The following ADAM7 variants were observed in gnomAD, a reference collection of about 807,000 sequenced individuals.
ADAM7 encodes the protein ADAM metallopeptidase domain 7, also known as disintegrin and metalloproteinase domain-containing protein 7.
In ADAM7, 97 loss-of-function variants were observed where a neutral mutation model predicts 102.9. That is an observed-to-expected ratio of 0.94 (90% CI 0.80 to 1.12). ADAM7 has a LOEUF of 1.12. Ranked by LOEUF, ADAM7 falls within the 50% of genes most tolerant of loss-of-function variation. The probability of loss-of-function intolerance (pLI) is 0.00; values close to 1 mark genes in which losing one functional copy is unlikely to be tolerated. For missense variants in ADAM7, 991 were observed against 908.7 expected, an observed-to-expected ratio of 1.09 and a Z score of -1.16; for synonymous variants, 334 against 304.4, an observed-to-expected ratio of 1.10 and a Z score of -1.01.
intron 3 of ADAM7, among the ~76,000 whole-genome samples, chr8:24,450,688 T>C (rs1440279001): frequency 6.6e-6 from 1 of 151,860 alleles, no homozygotes; most frequent in African/African-American, 2.4e-5. Context: ...AACACTATGT[T>C]GAATAGGAGT....
chr8:24,498,312 A>G (rs920375667), intron 16 of ADAM7, among the ~76,000 whole-genome samples: 70 of 151,850 alleles, frequency 4.6e-4, no homozygotes, highest in African/African-American at 1.3e-3. Flanking sequence ...AAAGAAGTAA[A>G]AACATGATAA....
In ADAM7 at chr8:24,490,928, T is replaced by G; in HGVS notation, c.1356+40T>G. ...CAGGAGAAGGTTTTTTTTTTTCAGT[T>G]TAAGAATATGTAGGATCCAAGAGTT... is the stretch of plus-strand genomic sequence containing the variant. On this transcript the variant is annotated intron_variant, in intron 13 of 21. Coordinates refer to ENST00000175238, the MANE Select transcript of ADAM7 (RefSeq NM_003817.4). The G allele has an allele frequency of 1.3e-6, 2 of 1,596,338 alleles. 1 individual carries two copies. Among genetic ancestry groups the G allele is most frequent in the South Asian group, 2.2e-5 (2 of 89,252 alleles).
chr8:24,454,472 A>C (rs1247694911), intron 3 of ADAM7, among the ~76,000 whole-genome samples: 3 of 152,058 alleles, frequency 2.0e-5, no homozygotes, highest in African/African-American at 7.2e-5. Flanking sequence ...GCGGGATATA[A>C]TCTCCTGGTG....
intron 3 of ADAM7, among the ~76,000 whole-genome samples, chr8:24,455,364 C>A (rs1474186227): frequency 6.6e-6 from 1 of 152,142 alleles, no homozygotes; most frequent in East Asian, 1.9e-4. Flanking sequence ...GTTTACTTTC[C>A]CCTCAATACA....
intron 10 of ADAM7, among the ~76,000 whole-genome samples, chr8:24,486,393 G>T (rs1356350407): frequency 6.6e-6 from 1 of 152,160 alleles, no homozygotes; most frequent in East Asian, 1.9e-4. Context: ...TCGTCTTTAA[G>T]ATTGTATAGC....
intron 8 of ADAM7, among the ~76,000 whole-genome samples, chr8:24,479,540 A>C (rs1405612251): frequency 3.3e-5 from 5 of 152,082 alleles, no homozygotes; most frequent in African/African-American, 1.2e-4. Context: ...CCCCTTCTTC[A>C]GGCCCACTCC....
At chr8:24,472,014 T>A (rs59116587) in intron 7 of ADAM7, among the ~76,000 whole-genome samples, 10,598 of 151,614 alleles carry the variant, frequency 0.07, 465 homozygotes, top group Admixed American at 0.11. Context: ...TAAAAGAGAA[T>A]TTATGATTTA....
Position 24,476,483 on chromosome 8 carries a change from A to T in ADAM7, c.684A>T (p.Gly228=). ...ATAAACTAAGGAACCGAATTTGGGG[A>T]ATGGTCAATTTTGTCAACATGGTAA... ...PHNKLRNRIW[G]MVNFVNMIYK... Residue 228 remains glycine, a synonymous_variant, in exon 8 of 22, where the codon GGA becomes GGT. Coordinates refer to ENST00000175238, the MANE Select transcript of ADAM7 (RefSeq NM_003817.4). The T allele has an allele frequency of 6.2e-7, 1 of 1,609,198 alleles. No homozygotes were observed. The highest frequency in any genetic ancestry group is 1.1e-5 in the South Asian group (1 of 90,372).
chr8:24,467,227 A>C (rs1038177752), intron 6 of ADAM7: 2 of 553,940 alleles, frequency 3.6e-6, no homozygotes, highest in Non-Finnish European at 6.3e-6. Context: ...ATAGATTGAT[A>C]ACATTGGGGC....
chr8:24,474,934 A>G (rs938191892), intron 7 of ADAM7, among the ~76,000 whole-genome samples: 1 of 152,094 alleles, frequency 6.6e-6, no homozygotes, highest in African/African-American at 2.4e-5. Context: ...AAGCAAGAGA[A>G]GGATAGAAAA....
chr8:24,453,388 C>A (rs917225213), intron 3 of ADAM7, among the ~76,000 whole-genome samples: 31 of 152,128 alleles, frequency 2.0e-4, no homozygotes, highest in Non-Finnish European at 4.3e-4. Flanking sequence ...CTTCTCGCTT[C>A]ATTTCATTCA....
Position 24,493,231 on chromosome 8 carries a change from T to C in ADAM7, c.1842+2T>C. The stretch of plus-strand genomic sequence containing the variant: ...GGAACAAAATGTGGAGAGGGAATGG[T>C]AAGACAAAAGCCCTTTGTTTTATTA... On this transcript the variant is annotated splice_donor_variant, in intron 16 of 21. Coordinates refer to ENST00000175238, the MANE Select transcript of ADAM7 (RefSeq NM_003817.4). LOFTEE classifies it high-confidence loss of function. 2 of 1,592,190 alleles carry C rather than the reference T, an allele frequency of 1.3e-6. No homozygotes were observed. Among genetic ancestry groups the C allele is most frequent in the Non-Finnish European group, 1.7e-6 (2 of 1,171,858 alleles).
In ADAM7 at chr8:24,485,162, G is replaced by A. The variant is rs531031077; in HGVS notation, c.876-115G>A. ...CTCAATTCCAAAACTCCAGAAATAA[G>A]AAGGCATTTTCACATGCAAAAGCAT... On this transcript the variant is annotated intron_variant, in intron 9 of 21. Coordinates refer to ENST00000175238, the MANE Select transcript of ADAM7 (RefSeq NM_003817.4). 1.7e-5 allele frequency: 15 copies of A among 904,516 alleles called. 1 individual carries two copies. In the South Asian group the frequency reaches 2.2e-4, roughly 13 times the overall value. 56.0% of individuals were successfully genotyped at this position (904,516 alleles called of 1,614,324 possible).
At chr8:24,462,454 T>C (rs1819276781) in intron 3 of ADAM7, among the ~76,000 whole-genome samples, 1 of 152,230 alleles carries the variant, frequency 6.6e-6, no homozygotes, top group African/African-American at 2.4e-5. Context: ...GACTTCAGCC[T>C]GACCTCAAGC....
At chr8:24,461,918 A>T (rs909392498) in intron 3 of ADAM7, among the ~76,000 whole-genome samples, 2 of 152,210 alleles carry the variant, frequency 1.3e-5, no homozygotes, top group South Asian at 2.1e-4. Flanking sequence ...AAGCATAGTT[A>T]TAGTAGCTGC....
intron 3 of ADAM7, among the ~76,000 whole-genome samples, chr8:24,461,330 A>T (rs1214208514): frequency 6.9e-5 from 3 of 43,516 alleles, no homozygotes; most frequent in Non-Finnish European, 1.7e-4. Context: ...ATGACTGATG[A>T]TGTTCTCCTC....
chr8:24,508,310 T>C (rs1821018845), intron 21 of ADAM7, among the ~76,000 whole-genome samples: 1 of 152,192 alleles, frequency 6.6e-6, no homozygotes, highest in South Asian at 2.1e-4. Context: ...GCCAGCAAAC[T>C]GTTTGGCATC....
At chr8:24,459,972 T>G (rs902655358) in intron 3 of ADAM7, among the ~76,000 whole-genome samples, 4 of 152,110 alleles carry the variant, frequency 2.6e-5, no homozygotes, top group African/African-American at 9.7e-5. Flanking sequence ...AAGTCTTGAT[T>G]TTTTTTATTA....
intron 3 of ADAM7, among the ~76,000 whole-genome samples, chr8:24,452,141 A>G (rs2129375763): frequency 6.6e-6 from 1 of 151,474 alleles, no homozygotes; most frequent in Non-Finnish European, 1.5e-5. Flanking sequence ...TTTGGGGTGG[A>G]GAGTTCTGTA....
Sources: allele counts gnomAD v4.1 joint callset (sites outside exome capture counted in the v4.1 genomes callset), GRCh38; gene constraint gnomAD v4.1.1; transcripts MANE v1.5; gene names NCBI Gene and HGNC (gene_info 2026-07-23, HGNC 2026-07-21).